The following POLR1C variants were observed in gnomAD, a reference collection of about 807,000 sequenced individuals.
The protein encoded by POLR1C is DNA-directed RNA polymerases I and III subunit RPAC1.
In POLR1C, 42 loss-of-function variants were observed where a neutral mutation model predicts 38.3. That is an observed-to-expected ratio of 1.10 (90% CI 0.86 to 1.42). The LOEUF (loss-of-function observed/expected upper bound fraction) is 1.42, where lower values mean the gene tolerates loss of function less well. Ranked by LOEUF, POLR1C falls within the 40% of genes most tolerant of loss-of-function variation. POLR1C has a pLI of 0.00. For synonymous variants in POLR1C, 163 were observed against 163.9 expected (o/e 0.99, Z 0.04); for missense variants, 507 against 450.5 (o/e 1.13, Z -1.14).
intron 2 of POLR1C, among the ~76,000 whole-genome samples, chr6:43,518,927 G>A (rs751544082): frequency 5.3e-5 from 8 of 152,140 alleles, no homozygotes; most frequent in Admixed American, 1.3e-4. Context: ...TGATCTGCCC[G>A]TCTCAGCCTC....
At chr6:43,519,989 G>T in intron 4 of POLR1C, 77 bp from the exon 5 acceptor site, 1 of 1,578,538 alleles carries the variant, frequency 6.3e-7, no homozygotes, top group South Asian at 1.1e-5. Flanking sequence ...AATTAAATGG[G>T]AAACACGTAA....
At position 43,553,308 on chromosome 6, in the gene POLR1C, G is replaced by A. The variant is rs537103374; in HGVS notation, c.*48+2297G>A. 215 of 1,532,784 alleles carry A rather than the reference G, an allele frequency of 1.4e-4. No homozygotes were observed. In the African/African-American group the frequency reaches 2.7e-3, roughly 19 times the overall value. The allele number at this position is 1,532,784 out of a possible 1,614,324, so 94.9% of individuals were successfully genotyped here. A position where few individuals can be genotyped will look rare whatever the true frequency, so the allele number is the denominator to read the frequency against. Reference sequence around the variant, plus strand: ...CAGAGAGATATAGCGTCCCAAAATAGAAAGAGAAAAGAAAAGAAAAAGGTC... The same window carrying A: ...CAGAGAGATATAGCGTCCCAAAATAAAAAGAGAAAAGAAAAGAAAAAGGTC... On this transcript the variant is annotated intron_variant, in intron 10 of 10. Coordinates refer to the POLR1C transcript ENST00000607635.
downstream of POLR1C, chr6:43,526,410 G>A: frequency 2.0e-6 from 1 of 490,466 alleles, no homozygotes; most frequent in Non-Finnish European, 3.7e-6. Context: ...GTTGGTCATG[G>A]ACGATCTCTG....
At position 43,517,169 on chromosome 6, in the gene POLR1C, G is replaced by C. The variant is rs776174203; in HGVS notation, c.60G>C (p.Gly20=). The change falls in exon 1 of 9, where the codon GGG becomes GGC. Residue 20 remains glycine (G), a synonymous_variant. Coordinates refer to ENST00000642195, the MANE Select transcript of POLR1C (RefSeq NM_203290.4). ...MRSRVVLGEF[G]VRNVHTTDFP... ...GCCGCGTGGTTCTGGGGGAGTTTGG[G>C]GTTCGCAATGTAAGCCTTGTGGCCT... The C allele has an allele frequency of 1.2e-5, 20 of 1,614,000 alleles. No homozygotes were observed. The highest frequency in any genetic ancestry group is 1.6e-5 in the Non-Finnish European group (19 of 1,179,998).
At chr6:43,533,913 T>C (rs1378156245), downstream of POLR1C, 22 of 1,600,248 alleles carry the variant, frequency 1.4e-5, no homozygotes, top group East Asian at 1.4e-4. Context: ...TTACCTAATA[T>C]AGCAGATTTT....
downstream of POLR1C, chr6:43,524,044 T>A (rs1203026595): frequency 1.9e-6 from 3 of 1,599,266 alleles, no homozygotes; most frequent in Non-Finnish European, 2.5e-6. Flanking sequence ...TGCTGGGCCC[T>A]CAGTAGTAGT....
chr6:43,526,525 G>A (rs1793601686), intron 8 of POLR1C: 1 of 726,962 alleles, frequency 1.4e-6, no homozygotes, highest in Non-Finnish European at 2.4e-6. Flanking sequence ...TTGGAGGTGG[G>A]AGTATGATGG....
rs1037816077 is a variant in POLR1C at position 43,553,536 on chromosome 6, C to CAT, written c.*48+2526_*48+2527insTA. ...ACACACACACACACATACACACACA[C>CAT]ACACACACACACAATTATCAGCATT... On this transcript the variant is annotated intron_variant, in intron 10 of 10. Transcript: ENST00000607635. 2.6e-6 allele frequency: 4 copies of CAT among 1,534,630 alleles called. No individual in the cohort carries two copies. The African/African-American group carries it at 5.5e-5, about 21-fold the overall frequency.
intron 8 of POLR1C, chr6:43,527,804 C>G (rs928898029): frequency 2.8e-5 from 42 of 1,518,198 alleles, no homozygotes; most frequent in Admixed American, 8.8e-5. Context: ...CGACCCTAAT[C>G]AGACTCTCTC....
intron 2 of POLR1C, among the ~76,000 whole-genome samples, chr6:43,518,926 C>T (rs1274571972): frequency 1.3e-5 from 2 of 152,238 alleles, no homozygotes; most frequent in Non-Finnish European, 1.5e-5. Flanking sequence ...GTGATCTGCC[C>T]GTCTCAGCCT....
Position 43,517,098 on chromosome 6 carries a change from G to A in POLR1C, c.-12G>A, listed in dbSNP as rs1324034144. 1.2e-6 allele frequency: 2 copies of A among 1,613,896 alleles called. No individual in the cohort carries two copies. Among genetic ancestry groups the A allele is most frequent in the South Asian group, 1.1e-5 (1 of 91,074 alleles). On this transcript the variant is annotated 5_prime_UTR_variant, in exon 1 of 9. Coordinates refer to ENST00000642195, the MANE Select transcript of POLR1C (RefSeq NM_203290.4). ...GCGAGATAGAACCTCTAGTCTCGTG[G>A]AGAGATTGAAGATGGCGGCTTCTCA...
intron 10 of POLR1C, chr6:43,553,622 G>A: frequency 6.9e-7 from 1 of 1,440,832 alleles, no homozygotes; most frequent in Non-Finnish European, 9.1e-7. Flanking sequence ...AGAATTTCAT[G>A]ATTGAAGGAG....
At chr6:43,539,408 C>A (rs1429736591) in intron 9 of POLR1C, 5 of 1,574,416 alleles carry the variant, frequency 3.2e-6, no homozygotes, top group Non-Finnish European at 4.3e-6. Flanking sequence ...GAGAGAGGCC[C>A]CCAGGAAAAA....
At chr6:43,525,952 A>G, downstream of POLR1C, 1 of 1,610,472 alleles carries the variant, frequency 6.2e-7, no homozygotes. Flanking sequence ...GTTAAGCTCC[A>G]TCCTTTCAGA....
intron 9 of POLR1C, chr6:43,547,523 ACAAAT>A: frequency 7.7e-7 from 1 of 1,301,936 alleles, no homozygotes; most frequent in Non-Finnish European, 1.1e-6. Flanking sequence ...TATAGAAAAA[ACAAAT>A]CTATGAGAAA....
downstream of POLR1C, chr6:43,525,200 C>T (rs373634302): frequency 4.2e-5 from 67 of 1,577,600 alleles, no homozygotes; most frequent in African/African-American, 6.2e-4. Context: ...TAATTAATAG[C>T]GCTGTACAAA....
chr6:43,558,463 G>C (rs763111385), intron 10 of POLR1C: 20 of 1,529,196 alleles, frequency 1.3e-5, no homozygotes, highest in Non-Finnish European at 1.8e-5. Flanking sequence ...ATGCCATTCT[G>C]AGACTGTTGA....
At chr6:43,545,985 G>A (rs1488773714) in intron 9 of POLR1C, among the ~76,000 whole-genome samples, 1 of 152,072 alleles carries the variant, frequency 6.6e-6, no homozygotes, top group Non-Finnish European at 1.5e-5. Context: ...TATGTCTGGG[G>A]TGGGGCCTTG....
Position 43,517,228 on chromosome 6 carries a change from G to A in POLR1C, c.69+50G>A, listed in dbSNP as rs151022745. 15 of 1,609,682 alleles carry A rather than the reference G, an allele frequency of 9.3e-6. No individual in the cohort carries two copies. The East Asian group carries it at 3.1e-4, about 33-fold the overall frequency. On this transcript the variant is annotated intron_variant, in intron 1 of 8. Coordinates refer to ENST00000642195, the MANE Select transcript of POLR1C (RefSeq NM_203290.4). Reference sequence around the variant, plus strand: ...GGCGGGAGGAATGAGAGCGGAACAGGGATGGGTCTTGGGATTGGCGTGGGG... The same window carrying A: ...GGCGGGAGGAATGAGAGCGGAACAGAGATGGGTCTTGGGATTGGCGTGGGG...
Sources: allele counts gnomAD v4.1 joint callset (sites outside exome capture counted in the v4.1 genomes callset), GRCh38; gene constraint gnomAD v4.1.1; transcripts MANE v1.5; gene names NCBI Gene and HGNC (gene_info 2026-07-23, HGNC 2026-07-21).